Variants in RSPO2 observed in about 807,000 individuals in gnomAD.
RSPO2 encodes the protein R-spondin-2.
Under a neutral mutation model 30.9 loss-of-function variants are expected in RSPO2, and 14 were observed. That is an observed-to-expected ratio of 0.45 (90% CI 0.30 to 0.71). The LOEUF (loss-of-function observed/expected upper bound fraction) is 0.71. Ranked by LOEUF, RSPO2 falls within the 30% of genes least tolerant of loss-of-function variation. The pLI, the probability that RSPO2 is intolerant of heterozygous loss-of-function variation, is 0.08. For missense variants in RSPO2, 264 were observed against 301.9 expected (o/e 0.87, Z 0.93); for synonymous variants, 107 against 96.4 (o/e 1.11, Z -0.64).
At chr8:108,055,885 G>C (rs1812228410) in intron 2 of RSPO2, among the ~76,000 whole-genome samples, 1 of 152,134 alleles carries the variant, frequency 6.6e-6, no homozygotes, top group Non-Finnish European at 1.5e-5. Flanking sequence ...AACTGGCAGT[G>C]AGATTGACAG....
intron 2 of RSPO2, among the ~76,000 whole-genome samples, chr8:108,022,832 G>A (rs970381671): frequency 6.6e-6 from 1 of 151,808 alleles, no homozygotes; most frequent in Non-Finnish European, 1.5e-5. Flanking sequence ...GGCTGAGGCA[G>A]GAGAATCATT....
chr8:107,978,037 GCTAT>G (rs754658581), intron 3 of RSPO2, among the ~76,000 whole-genome samples: 8 of 151,906 alleles, frequency 5.3e-5, no homozygotes, highest in African/African-American at 1.2e-4. Context: ...AACTCCTTTT[GCTAT>G]CTATCAATCA....
chr8:107,987,298 A>T (rs995638081), intron 3 of RSPO2, among the ~76,000 whole-genome samples: 17 of 151,690 alleles, frequency 1.1e-4, no homozygotes, highest in African/African-American at 3.2e-4. Context: ...TTCCTCTCCA[A>T]TTCATCTCCC....
chr8:108,080,248 T>C (rs1482607900), intron 2 of RSPO2, among the ~76,000 whole-genome samples: 1 of 152,208 alleles, frequency 6.6e-6, no homozygotes, highest in East Asian at 1.9e-4. Context: ...CAGTACACCC[T>C]TTGTTGGTAC....
intron 2 of RSPO2, chr8:107,989,491 C>T (rs776703902): frequency 9.5e-6 from 4 of 422,568 alleles, no homozygotes; most frequent in Non-Finnish European, 1.7e-5. Flanking sequence ...CTGAATGGCT[C>T]ATGGGGATGT....
chr8:108,031,160 C>T (rs962297002), intron 2 of RSPO2, among the ~76,000 whole-genome samples: 43 of 152,136 alleles, frequency 2.8e-4, no homozygotes, highest in Non-Finnish European at 6.3e-4. Context: ...TAATTTGAAC[C>T]AGTCTATTTA....
intron 5 of RSPO2, among the ~76,000 whole-genome samples, chr8:107,910,884 C>A (rs185947872): frequency 6.6e-6 from 1 of 152,194 alleles, no homozygotes; most frequent in Non-Finnish European, 1.5e-5. Context: ...ATAGGGAGAT[C>A]CCATCTCTAT....
chr8:107,967,633 G>A (rs1250846632), intron 3 of RSPO2, among the ~76,000 whole-genome samples: 1 of 152,084 alleles, frequency 6.6e-6, no homozygotes, highest in Non-Finnish European at 1.5e-5. Context: ...TAAATTAACA[G>A]AAGATACAGG....
intron 2 of RSPO2, among the ~76,000 whole-genome samples, chr8:108,049,387 C>CT (rs995365107): frequency 1.3e-4 from 19 of 151,640 alleles, no homozygotes; most frequent in East Asian, 3.9e-4. Flanking sequence ...ATACATGCAT[C>CT]TTTTTTAAAA....
intron 5 of RSPO2, among the ~76,000 whole-genome samples, chr8:107,910,693 C>G (rs1057334624): frequency 1.1e-4 from 17 of 152,092 alleles, no homozygotes; most frequent in African/African-American, 3.9e-4. Flanking sequence ...TTTGAACCTC[C>G]CTCATTGTAA....
chr8:107,973,071 C>A (rs1016024545), intron 3 of RSPO2, among the ~76,000 whole-genome samples: 2 of 152,108 alleles, frequency 1.3e-5, no homozygotes, highest in Non-Finnish European at 2.9e-5. Flanking sequence ...GAGATCGAGA[C>A]CATCCTGGCT....
At chr8:108,075,786 A>C (rs1393924191) in intron 2 of RSPO2, among the ~76,000 whole-genome samples, 3 of 152,116 alleles carry the variant, frequency 2.0e-5, no homozygotes. Flanking sequence ...TTCAATTTTT[A>C]AAAAAACAGC....
intron 2 of RSPO2, among the ~76,000 whole-genome samples, chr8:108,055,787 G>A (rs1002808899): frequency 3.3e-5 from 5 of 151,712 alleles, no homozygotes; most frequent in East Asian, 1.9e-4. Flanking sequence ...CCAACAAGAC[G>A]TTAAAAAAAA....
intron 2 of RSPO2, among the ~76,000 whole-genome samples, chr8:108,059,503 T>G (rs987263472): frequency 2.2e-4 from 33 of 151,516 alleles, no homozygotes; most frequent in South Asian, 6.2e-4. Flanking sequence ...CATTACTGGG[T>G]ATATACGCAA....
At chr8:107,974,566 C>A (rs1389282284) in intron 3 of RSPO2, among the ~76,000 whole-genome samples, 2 of 151,928 alleles carry the variant, frequency 1.3e-5, no homozygotes, top group East Asian at 3.9e-4. Flanking sequence ...GACACCAGTG[C>A]AATATCAGTA....
At chr8:107,971,239 G>A (rs2130471085) in intron 3 of RSPO2, among the ~76,000 whole-genome samples, 1 of 152,262 alleles carries the variant, frequency 6.6e-6, no homozygotes, top group East Asian at 1.9e-4. Context: ...AGAAACAAAT[G>A]TAAGCTTGAA....
chr8:108,024,254 T>C (rs1211189671), intron 2 of RSPO2, among the ~76,000 whole-genome samples: 1 of 152,188 alleles, frequency 6.6e-6, no homozygotes, highest in East Asian at 1.9e-4. Context: ...GGCACAAAGT[T>C]ATTCTTTGCG....
intron 4 of RSPO2, among the ~76,000 whole-genome samples, chr8:107,958,591 A>T (rs909489032): frequency 6.6e-5 from 10 of 152,224 alleles, no homozygotes; most frequent in African/African-American, 2.4e-4. Flanking sequence ...CAGGTTTGTT[A>T]CATAGGTAAA....
At chr8:107,909,937 A>G (rs1222038155) in intron 5 of RSPO2, among the ~76,000 whole-genome samples, 1 of 152,166 alleles carries the variant, frequency 6.6e-6, no homozygotes, top group Non-Finnish European at 1.5e-5. Flanking sequence ...TAAGGACTCA[A>G]ACTGTGCTGC....
Sources: gnomAD v4.1 joint callset for allele counts (sites outside exome capture counted in the v4.1 genomes callset) on GRCh38, gnomAD v4.1.1 for gene constraint, MANE v1.5 for transcripts, NCBI Gene and HGNC (gene_info 2026-07-23, HGNC 2026-07-21) for gene names.